FGF13: variants seen among roughly 807,000 people sequenced by gnomAD.
FGF13 encodes the protein fibroblast growth factor homologous factor 2.
Under a neutral mutation model 19.5 loss-of-function variants are expected in FGF13, and 2 were observed. That is an observed-to-expected ratio of 0.10 (90% CI 0.04 to 0.32). FGF13 has a LOEUF of 0.32. Ranked by LOEUF, FGF13 falls within the 10% of genes least tolerant of loss-of-function variation. FGF13 has a pLI of 1.00. For synonymous variants in FGF13, 72 were observed against 76.9 expected, an observed-to-expected ratio of 0.94 and a Z score of 0.33; for missense variants, 113 against 192.7, an observed-to-expected ratio of 0.59 and a Z score of 2.45.
At chrX:139,204,235 A>ATCCGCTT, upstream of FGF13, 1 of 630,272 alleles carries the variant, frequency 1.6e-6, no homozygotes, top group Non-Finnish European at 2.5e-6. Flanking sequence ...TCGGGGCGGA[A>ATCCGCTT]TCCGCTTTTC....
chrX:138,787,895 C>T (rs1003151940), intron 3 of FGF13, among the ~76,000 whole-genome samples: 33 of 111,711 alleles, frequency 3.0e-4, no homozygotes, highest in African/African-American at 9.5e-4. Context: ...CTAATACCAT[C>T]ACATTGGGAT....
intron 3 of FGF13, among the ~76,000 whole-genome samples, chrX:138,784,605 C>G (rs2090678321): frequency 9.0e-6 from 1 of 110,839 alleles, no homozygotes; most frequent in Non-Finnish European, 1.9e-5. Context: ...GCCCTTATTT[C>G]TCTATTAGCC....
intron 1 of FGF13, among the ~76,000 whole-genome samples, chrX:139,028,592 T>C (rs983613293): frequency 6.9e-5 from 3 of 43,230 alleles, no homozygotes; most frequent in African/African-American, 3.1e-4. Context: ...CGTGTGTGTG[T>C]GTGTGTGTGT....
chrX:139,126,597 T>C lies in FGF13; in HGVS notation c.-113+76819A>G, dbSNP rs373957296. On this transcript the variant is annotated intron_variant, in intron 1 of 2. Transcript: ENST00000421460. ...AACAGGCTTGGCTGGCCTGTATTTTTAATGTCACACAAAGTCAGCATTCAA... is the reference window on the plus strand; with the variant it reads ...AACAGGCTTGGCTGGCCTGTATTTTCAATGTCACACAAAGTCAGCATTCAA... 9.0e-4 allele frequency among the ~76,000 whole-genome samples: 101 copies of C among 111,640 alleles called. 1 individual carries two copies. The highest frequency in any genetic ancestry group is 2.9e-3 in the African/African-American group (88 of 30,730).
rs765332298 is a variant in FGF13 at position 138,707,867 on chromosome X, A to T, written c.298+951T>A. 4.4e-5 allele frequency among the ~76,000 whole-genome samples: 5 copies of T among 112,663 alleles called. No individual in the cohort carries two copies. In the South Asian group the frequency reaches 1.8e-3, roughly 41 times the overall value. ...CCTCGTCAATGGCATTGCTGTAGCC[A>T]TACAACTCTTAAAAAGCTGCAGAGT... On this transcript the variant is annotated intron_variant, in intron 2 of 4. Transcript: ENST00000315930.
chrX:138,858,584 C>T (rs1490608382), intron 2 of FGF13, among the ~76,000 whole-genome samples: 1 of 111,188 alleles, frequency 9.0e-6, no homozygotes, highest in African/African-American at 3.3e-5. Flanking sequence ...CTTTCACACC[C>T]TTCCCAATGA....
chrX:139,124,144 T>G (rs908297285), intron 1 of FGF13, among the ~76,000 whole-genome samples: 6 of 112,219 alleles, frequency 5.3e-5, no homozygotes, highest in Non-Finnish European at 1.1e-4. Flanking sequence ...TGAACCCCCA[T>G]GTGTCCTTGC....
intron 1 of FGF13, among the ~76,000 whole-genome samples, chrX:138,898,215 G>A (rs2091513588): frequency 8.9e-6 from 1 of 111,848 alleles, no homozygotes; most frequent in Non-Finnish European, 1.9e-5. Context: ...GGTATGAACA[G>A]CATTCCATTG....
At chrX:138,975,341 G>A (rs1311364513) in intron 1 of FGF13, among the ~76,000 whole-genome samples, 1 of 111,890 alleles carries the variant, frequency 8.9e-6, no homozygotes, top group Non-Finnish European at 1.9e-5. Context: ...CATAGAAAAT[G>A]GCAGAACTGG....
Position 138,622,899 on chromosome X carries a change from C to T in FGF13, c.*9951G>A, listed in dbSNP as rs2089026286. The stretch of plus-strand genomic sequence containing the variant: ...TATTAACATTTCTGTAATATTAATT[C>T]TTCCAATCTATGAACAAAGGGATCT... On this transcript the variant is annotated 3_prime_UTR_variant, in exon 5 of 5. Transcript: ENST00000315930. The T allele has an allele frequency of 8.9e-6, 1 of 111,798 alleles. No individual in the cohort carries two copies. The allele number at this position is 111,798 out of a possible 1,213,427, so 9.2% of individuals were successfully genotyped here.
At chrX:138,962,239 A>G (rs1450364964) in intron 1 of FGF13, among the ~76,000 whole-genome samples, 1 of 112,552 alleles carries the variant, frequency 8.9e-6, no homozygotes, top group Non-Finnish European at 1.9e-5. Context: ...CAGACACATG[A>G]AAAAATGCTC....
intron 1 of FGF13, among the ~76,000 whole-genome samples, chrX:139,004,213 C>G (rs2092089681): frequency 8.9e-6 from 1 of 112,876 alleles, no homozygotes; most frequent in South Asian, 3.6e-4. Context: ...GAGCGCAGCG[C>G]CGGTGGGCTG....
intron 1 of FGF13, among the ~76,000 whole-genome samples, chrX:138,954,894 T>C (rs751494509): frequency 8.9e-6 from 1 of 112,222 alleles, no homozygotes; most frequent in South Asian, 3.7e-4. Context: ...GTTTGAATGA[T>C]GTAGGAAGTC....
At chrX:139,041,502 G>T (rs1273337241) in intron 1 of FGF13, among the ~76,000 whole-genome samples, 1 of 111,275 alleles carries the variant, frequency 9.0e-6, no homozygotes, top group Non-Finnish European at 1.9e-5. Context: ...CTGCAGGATG[G>T]ACTCCTCCTA....
chrX:138,932,507 G>A (rs950724884), intron 1 of FGF13, among the ~76,000 whole-genome samples: 11 of 97,062 alleles, frequency 1.1e-4, no homozygotes, highest in East Asian at 4.1e-4. Context: ...TGAACCCGGC[G>A]CGGGAGGGCG....
chrX:139,198,315 C>T (rs1454022584), intron 1 of FGF13, among the ~76,000 whole-genome samples: 1 of 111,678 alleles, frequency 9.0e-6, no homozygotes, highest in Non-Finnish European at 1.9e-5. Flanking sequence ...CTTACAGGAA[C>T]CACAAAATAA....
At chrX:138,915,548 G>A (rs1273996772) in intron 1 of FGF13, among the ~76,000 whole-genome samples, 1 of 111,351 alleles carries the variant, frequency 9.0e-6, no homozygotes, top group Non-Finnish European at 1.9e-5. Context: ...ACTCAAATGG[G>A]GAATGAAGGG....
chrX:138,893,398 A>G (rs1205589737), intron 1 of FGF13, among the ~76,000 whole-genome samples: 5 of 111,453 alleles, frequency 4.5e-5, no homozygotes, highest in Non-Finnish European at 7.5e-5. Context: ...TTTATTTATT[A>G]TCTATCAAAA....
At chrX:138,974,086 C>T (rs1394755164) in intron 1 of FGF13, among the ~76,000 whole-genome samples, 3 of 111,754 alleles carry the variant, frequency 2.7e-5, no homozygotes, top group Non-Finnish European at 5.6e-5. Context: ...TACCAAATGA[C>T]ATAACCATGC....
Sources: allele counts gnomAD v4.1 joint callset (sites outside exome capture counted in the v4.1 genomes callset), GRCh38; gene constraint gnomAD v4.1.1; transcripts MANE v1.5; gene names NCBI Gene and HGNC (gene_info 2026-07-23, HGNC 2026-07-21).